The following DPP6 variants were observed in gnomAD, a reference collection of about 807,000 sequenced individuals.
DPP6 encodes the protein A-type potassium channel modulatory protein DPP6.
In DPP6, 69 loss-of-function variants were observed where a neutral mutation model predicts 122.6. The observed-to-expected ratio is 0.56, with a 90% CI of 0.46 to 0.69. The LOEUF (loss-of-function observed/expected upper bound fraction) is 0.69, where lower values mean the gene tolerates loss of function less well. Ranked by LOEUF, DPP6 falls within the 30% of genes least tolerant of loss-of-function variation. DPP6 has a pLI of 0.00. For missense variants in DPP6, 928 were observed against 1,116.9 expected, an observed-to-expected ratio of 0.83 and a Z score of 2.41; for synonymous variants, 418 against 433.1, an observed-to-expected ratio of 0.97 and a Z score of 0.43.
chr7:154,747,064 G>C (rs1035915771), intron 8 of DPP6, among the ~76,000 whole-genome samples: 1 of 152,168 alleles, frequency 6.6e-6, no homozygotes, highest in African/African-American at 2.4e-5. Flanking sequence ...GAAAGGGAAA[G>C]AAAATCCTGG....
intron 1 of DPP6, chr7:154,095,111 G>T (rs1211557857): frequency 1.3e-5 from 2 of 151,896 alleles, no homozygotes; most frequent in Non-Finnish European, 2.9e-5. Context: ...GGGGGTTAAT[G>T]TGTCAGGCAT....
At chr7:154,166,487 A>T (rs1797255618) in intron 1 of DPP6, among the ~76,000 whole-genome samples, 1 of 152,054 alleles carries the variant, frequency 6.6e-6, no homozygotes, top group Non-Finnish European at 1.5e-5. Context: ...AGTGCTAGTA[A>T]ACTGAGGCGT....
chr7:154,858,944 G>T (rs1477892158), intron 17 of DPP6, among the ~76,000 whole-genome samples: 1 of 152,202 alleles, frequency 6.6e-6, no homozygotes, highest in East Asian at 1.9e-4. Context: ...ATTCATCTGA[G>T]ATCCACAGCA....
intron 1 of DPP6, among the ~76,000 whole-genome samples, chr7:154,054,573 A>C (rs2533727): frequency 6.6e-5 from 10 of 152,298 alleles, no homozygotes; most frequent in Non-Finnish European, 1.0e-4. Flanking sequence ...TCCCCTGGTT[A>C]AATAGTCATT....
intron 4 of DPP6, among the ~76,000 whole-genome samples, chr7:154,566,224 TGA>T (rs1289151193): frequency 6.6e-6 from 1 of 152,222 alleles, no homozygotes; most frequent in East Asian, 1.9e-4. Context: ...ATCAAGAGGT[TGA>T]GAGTTTTGTA....
the DPP6 span, among the ~76,000 whole-genome samples, chr7:153,794,618 C>G: frequency 6.6e-6 from 1 of 151,030 alleles, no homozygotes; most frequent in African/African-American, 2.5e-5. Context: ...CTTTGGGGGA[C>G]TGTTGGGAAG....
chr7:153,955,327 G>A (rs186927735), intron 1 of DPP6, among the ~76,000 whole-genome samples: 123 of 152,242 alleles, frequency 8.1e-4, no homozygotes, highest in Non-Finnish European at 1.0e-3. Flanking sequence ...CATTATCACC[G>A]TCATCATTAA....
chr7:153,853,923 G>A, the DPP6 span, among the ~76,000 whole-genome samples: 7 of 149,712 alleles, frequency 4.7e-5, no homozygotes, highest in African/African-American at 1.7e-4. Context: ...CCTTGCCCAT[G>A]CCTATGTCCT....
chr7:154,348,035 A>C (rs1284677247), intron 1 of DPP6, among the ~76,000 whole-genome samples: 1 of 152,192 alleles, frequency 6.6e-6, no homozygotes, highest in African/African-American at 2.4e-5. Flanking sequence ...TTGAGGAACT[A>C]TGCTGTAAGT....
chr7:154,360,101 C>G (rs1426657145), intron 1 of DPP6, among the ~76,000 whole-genome samples: 1 of 152,178 alleles, frequency 6.6e-6, no homozygotes, highest in East Asian at 1.9e-4. Context: ...TCCTCCCTTT[C>G]TTATTTCTTT....
At position 154,483,048 on chromosome 7, in the gene DPP6, C is replaced by G. The variant is rs1162567212; in HGVS notation, c.457+8011C>G. ...GAGAGGTTGGAGCCATCTGGAGGAC[C>G]ATGGAAAGCGTGGGTTGTGGAGGTA... is the stretch of plus-strand genomic sequence containing the variant. On this transcript the variant is annotated intron_variant, in intron 3 of 25. Coordinates refer to ENST00000377770, the MANE Select transcript of DPP6 (RefSeq NM_130797.4). This position sits in a 1 kb window ranked among gnomAD's most constrained non-coding sequence, Gnocchi z 8.1. Among the ~76,000 whole-genome samples, 2 of 151,532 alleles carry G rather than the reference C, an allele frequency of 1.3e-5. No homozygotes were observed. The highest frequency in any genetic ancestry group is 2.9e-5 in the Non-Finnish European group (2 of 67,930).
chr7:154,790,625 C>T (rs1309724942), intron 10 of DPP6, among the ~76,000 whole-genome samples: 3 of 151,836 alleles, frequency 2.0e-5, no homozygotes, highest in Admixed American at 6.6e-5. Flanking sequence ...GTTGAAGCAC[C>T]GTATAGAATT....
the DPP6 span, among the ~76,000 whole-genome samples, chr7:153,798,239 A>G: frequency 3.3e-5 from 5 of 152,248 alleles, no homozygotes; most frequent in Admixed American, 6.5e-5. Context: ...CCACTTCCCA[A>G]TGCATTGAAG....
At chr7:154,807,311 G>A (rs544249479) in intron 16 of DPP6, among the ~76,000 whole-genome samples, 199 bp downstream of exon 16, 12 of 152,266 alleles carry the variant, frequency 7.9e-5, no homozygotes, top group African/African-American at 2.6e-4. Context: ...GTGCAGTGGG[G>A]CTACTTTACG....
chr7:154,105,169 C>A (rs1425299603), intron 1 of DPP6, among the ~76,000 whole-genome samples: 1 of 152,176 alleles, frequency 6.6e-6, no homozygotes, highest in East Asian at 1.9e-4. Context: ...TTGACTCGAC[C>A]GTTTGTCCCT....
intron 7 of DPP6, among the ~76,000 whole-genome samples, chr7:154,689,958 T>A (rs938373341): frequency 2.0e-5 from 3 of 152,222 alleles, no homozygotes; most frequent in East Asian, 3.8e-4. Context: ...AGCCATGTTA[T>A]TGTTGCTTTG....
intron 1 of DPP6, among the ~76,000 whole-genome samples, chr7:154,220,679 C>T (rs1281309977): frequency 6.6e-6 from 1 of 152,178 alleles, no homozygotes; most frequent in Non-Finnish European, 1.5e-5. Flanking sequence ...TCTTGGAATT[C>T]CAGCCTCCAG....
At position 154,650,175 on chromosome 7, in the gene DPP6, A is replaced by G. The variant is rs534550331; in HGVS notation, c.680+12302A>G. Among the ~76,000 whole-genome samples the G allele has an allele frequency of 3.4e-4, 51 of 152,212 alleles. 1 individual carries two copies. In the South Asian group the frequency reaches 4.2e-3, roughly 12 times the overall value. On this transcript the variant is annotated intron_variant, in intron 6 of 25. Coordinates refer to ENST00000377770, the MANE Select transcript of DPP6 (RefSeq NM_130797.4). ...ATCTCTACAAAAATACAATTAAAAA[A>G]TTAGTCGGATATGGTGGCACGTGCC... is the stretch of plus-strand genomic sequence containing the variant.
intron 1 of DPP6, among the ~76,000 whole-genome samples, chr7:154,316,773 A>C (rs1807464998): frequency 6.6e-6 from 1 of 152,136 alleles, no homozygotes; most frequent in African/African-American, 2.4e-5. Flanking sequence ...GCTTTCTTAC[A>C]CAGAAGTGAA....
Sources: gnomAD v4.1 joint callset for allele counts (sites outside exome capture counted in the v4.1 genomes callset) on GRCh38, gnomAD v4.1.1 for gene constraint, Gnocchi (gnomAD v3.1) non-coding constraint, MANE v1.5 for transcripts, NCBI Gene and HGNC (gene_info 2026-07-23, HGNC 2026-07-21) for gene names.